FEM1B: variants seen among roughly 807,000 people sequenced by gnomAD.
FEM1B encodes the protein protein fem-1 homolog B.
Under a neutral mutation model 38.6 loss-of-function variants are expected in FEM1B, and 10 were observed. The ratio of observed to expected loss-of-function variants is 0.26; its 90% CI spans 0.16 to 0.44. FEM1B has a LOEUF of 0.44. FEM1B is among the 20% of genes least tolerant of loss of function. The pLI, the probability that FEM1B is intolerant of heterozygous loss-of-function variation, is 1.00. For missense variants in FEM1B, 471 were observed against 786.7 expected (o/e 0.60, Z 4.80); for synonymous variants, 288 against 288.0 (o/e 1.00, Z 0.00).
At chr15:68,283,620 G>A (rs1028146704) in intron 1 of FEM1B, among the ~76,000 whole-genome samples, 1 of 151,540 alleles carries the variant, frequency 6.6e-6, no homozygotes, top group Non-Finnish European at 1.5e-5. Flanking sequence ...ACTGCCATGA[G>A]CAGTGATTGT....
rs564202155 is a variant in FEM1B at position 68,278,581 on chromosome 15, G to T, written c.164G>T (p.Arg55Leu). Residue 55 changes from arginine to leucine, a missense_variant, in exon 1 of 2, where the codon CGC becomes CTC. By Grantham distance (102) the Arg-to-Leu change is moderately radical. Transcript: ENST00000306917. The surrounding 1 kb of genome is among the most constrained non-coding windows in gnomAD (Gnocchi z 5.7). ...TCCACGCCCCTCATCATCGCAGCCC[G>T]CAATGGACACGCAAAGGTGGTACGC... ...QRSTPLIIAA[R>L]NGHAKVVRLL... The T allele has an allele frequency of 1.2e-6, 2 of 1,613,980 alleles. No homozygotes were observed. Among genetic ancestry groups the T allele is most frequent in the Non-Finnish European group, 1.7e-6 (2 of 1,180,034 alleles).
rs945873154 is a variant in FEM1B, at chr15:68,284,781, T to G, written c.249-4826T>G. 2.6e-5 allele frequency among the ~76,000 whole-genome samples: 4 copies of G among 152,186 alleles called. No individual in the cohort carries two copies. The highest frequency in any genetic ancestry group is 4.8e-5 in the African/African-American group (2 of 41,438). On this transcript the variant is annotated intron_variant, in intron 1 of 1. Transcript: ENST00000306917. The surrounding 1 kb of genome is among the most constrained non-coding windows in gnomAD (Gnocchi z 4.4). ...ATTCCCACGTGTTGTGGGAGGGACC[T>G]GGTGGGAGGCAACTGAATCATGGAA...
chr15:68,283,800 T>C (rs1892754096), intron 1 of FEM1B, among the ~76,000 whole-genome samples: 1 of 152,216 alleles, frequency 6.6e-6, no homozygotes, highest in Non-Finnish European at 1.5e-5. Context: ...AACAAATGTT[T>C]GAACAATGAT....
rs914041206 is a variant in FEM1B at position 68,287,246 on chromosome 15, A to G, written c.249-2361A>G. On this transcript the variant is annotated intron_variant, in intron 1 of 1. Transcript: ENST00000306917. ...TAACAAATGCATTTTTAAAAATAAA[A>G]ATTTGAAAAATAATTTTAGGAGGCT... is the stretch of plus-strand genomic sequence containing the variant. Among the ~76,000 whole-genome samples, 3 of 152,248 alleles carry G rather than the reference A, an allele frequency of 2.0e-5. No homozygotes were observed. The East Asian group carries it at 5.8e-4, about 29-fold the overall frequency.
Position 68,291,787 on chromosome 15 carries a change from A to C in FEM1B, c.*545A>C, listed in dbSNP as rs897699843. ...CATTTTAGCATTCAGGAGGATTTTT[A>C]AAAAATAGCTGCAGATTAATCTGGA... On this transcript the variant is annotated 3_prime_UTR_variant, in exon 2 of 2. Transcript: ENST00000306917. This position sits in a 1 kb window ranked among gnomAD's most constrained non-coding sequence, Gnocchi z 6.9. The C allele has an allele frequency of 6.6e-6, 1 of 152,370 alleles. No homozygotes were observed. Among genetic ancestry groups the C allele is most frequent in the Admixed American group, 6.5e-5 (1 of 15,280 alleles). The allele number at this position is 152,370 out of a possible 1,614,324, so 9.4% of individuals were successfully genotyped here. A position where few individuals can be genotyped will look rare whatever the true frequency, so the allele number is the denominator to read the frequency against.
rs750301832 is a variant in FEM1B, at chr15:68,281,656, C to T, written c.248+2991C>T. Among the ~76,000 whole-genome samples the T allele has an allele frequency of 6.6e-6, 1 of 151,924 alleles. No homozygotes were observed. Among genetic ancestry groups the T allele is most frequent in the African/African-American group, 2.4e-5 (1 of 41,302 alleles). ...TTTTTGAGACGGAGTCTCGCTCTGT[C>T]GCCGGGGCTGGAGTGCAGTGGCGCG... On this transcript the variant is annotated intron_variant, in intron 1 of 1. Coordinates refer to ENST00000306917, the MANE Select transcript of FEM1B (RefSeq NM_015322.5). This position sits in a 1 kb window ranked among gnomAD's most constrained non-coding sequence, Gnocchi z 5.1.
Position 68,291,111 on chromosome 15 carries a change from T to A in FEM1B, c.1753T>A (p.Ser585Thr). Residue 585 changes from serine (S) to threonine (T), a missense_variant, in exon 2 of 2, where the codon TCT (serine) becomes ACT (threonine). Transcript: ENST00000306917. The surrounding 1 kb of genome is among the most constrained non-coding windows in gnomAD (Gnocchi z 6.9). ...TPLDKSTTGV[S>T]EILLKTQMKM... is the part of the protein sequence containing the mutation. ...GCTAGACAAAAGTACAACTGGGGTA[T>A]CTGAAATACTGCTTAAAACTCAAAT... 2.5e-6 allele frequency: 4 copies of A among 1,614,100 alleles called. No individual in the cohort carries two copies. Among genetic ancestry groups the A allele is most frequent in the Non-Finnish European group, 3.4e-6 (4 of 1,180,004 alleles).
chr15:68,278,439 G>A lies in FEM1B; in HGVS notation c.22G>A (p.Val8Ile). 5 of 1,612,922 alleles carry A rather than the reference G, an allele frequency of 3.1e-6. No homozygotes were observed. The highest frequency in any genetic ancestry group is 1.3e-5 in the African/African-American group (1 of 75,064). MEGLAGYVYKAASEGKVL... is the reference protein window; with the variant it reads MEGLAGYIYKAASEGKVL... ...GGCCATGGAGGGCCTGGCTGGCTAT[G>A]TATACAAGGCGGCCAGCGAGGGCAA... Residue 8 changes from valine (V) to isoleucine (I), a missense_variant, in exon 1 of 2, where the codon GTA becomes ATA. This residue lies in a region of FEM1B where 91 missense variants were observed against 169.6 expected (regional missense o/e 0.54). Transcript: ENST00000306917. This position sits in a 1 kb window ranked among gnomAD's most constrained non-coding sequence, Gnocchi z 5.7.
chr15:68,283,199 G>A (rs1245022529), intron 1 of FEM1B, among the ~76,000 whole-genome samples: 1 of 152,042 alleles, frequency 6.6e-6, no homozygotes, highest in East Asian at 1.9e-4. Context: ...TTTGAGATCA[G>A]AAAAATATTT....
chr15:68,279,167 C>A (rs1370618901), intron 1 of FEM1B, among the ~76,000 whole-genome samples: 2 of 152,308 alleles, frequency 1.3e-5, no homozygotes, highest in East Asian at 3.9e-4. Context: ...GCACCTAGAA[C>A]CAGCAGCAGC....
chr15:68,293,678 A>G lies in FEM1B; in HGVS notation c.*2436A>G, dbSNP rs942463660. The G allele has an allele frequency of 1.3e-5, 2 of 152,156 alleles. No homozygotes were observed. The highest frequency in any genetic ancestry group is 4.8e-5 in the African/African-American group (2 of 41,454). The allele number at this position is 152,156 out of a possible 1,614,324, so 9.4% of individuals were successfully genotyped here. On this transcript the variant is annotated 3_prime_UTR_variant, in exon 2 of 2. Coordinates refer to ENST00000306917, the MANE Select transcript of FEM1B (RefSeq NM_015322.5). The surrounding 1 kb of genome is among the most constrained non-coding windows in gnomAD (Gnocchi z 5.8). Reference sequence around the variant, plus strand: ...AATTCTATCTTGTAAAATCAATCCAAATGTGTATTGTGAAACACCTGTATA... The same window carrying G: ...AATTCTATCTTGTAAAATCAATCCAGATGTGTATTGTGAAACACCTGTATA...
Position 68,289,501 on chromosome 15 carries a change from A to C in FEM1B, c.249-106A>C. ...TTTTCATGAGAACTGATGTTTTATT[A>C]ATGTTCTGGAGAGTGAGGTCTTGGT... On this transcript the variant is annotated intron_variant, in intron 1 of 1. Transcript: ENST00000306917. The surrounding 1 kb of genome is among the most constrained non-coding windows in gnomAD (Gnocchi z 6.9). 1.4e-6 allele frequency: 1 copy of C among 723,510 alleles called. No individual in the cohort carries two copies. Among genetic ancestry groups the C allele is most frequent in the Non-Finnish European group, 2.3e-6 (1 of 435,608 alleles). 44.8% of individuals were successfully genotyped at this position (723,510 alleles called of 1,614,324 possible). A position where few individuals can be genotyped will look rare whatever the true frequency, so the allele number is the denominator to read the frequency against.
Position 68,278,722 on chromosome 15 carries a change from G to A in FEM1B, c.248+57G>A. The A allele has an allele frequency of 8.1e-6, 13 of 1,602,002 alleles. No homozygotes were observed. The highest frequency in any genetic ancestry group is 1.0e-5 in the Non-Finnish European group (12 of 1,171,070). ...CGCGCGCGGACTCGTTAATTCACGGGCCCTCCCCTCCCTCACCCTCTCTTA... is the reference window on the plus strand; with the variant it reads ...CGCGCGCGGACTCGTTAATTCACGGACCCTCCCCTCCCTCACCCTCTCTTA... On this transcript the variant is annotated intron_variant, in intron 1 of 1. Transcript: ENST00000306917. The surrounding 1 kb of genome is among the most constrained non-coding windows in gnomAD (Gnocchi z 5.7).
In FEM1B at chr15:68,293,590, G is replaced by A. The variant is rs934001050; in HGVS notation, c.*2348G>A. The A allele has an allele frequency of 8.6e-5, 13 of 151,050 alleles. No homozygotes were observed. Among genetic ancestry groups the A allele is most frequent in the African/African-American group, 3.2e-4 (13 of 40,450 alleles). The allele number at this position is 151,050 out of a possible 1,614,324, so 9.4% of individuals were successfully genotyped here. Reference sequence around the variant, plus strand: ...GGAATAAACTATGAACTATGCTAATGGTAATTAGATTTTTTGTTTGTTTAG... The same window carrying A: ...GGAATAAACTATGAACTATGCTAATAGTAATTAGATTTTTTGTTTGTTTAG... On this transcript the variant is annotated 3_prime_UTR_variant, in exon 2 of 2. Coordinates refer to ENST00000306917, the MANE Select transcript of FEM1B (RefSeq NM_015322.5). This position sits in a 1 kb window ranked among gnomAD's most constrained non-coding sequence, Gnocchi z 5.8.
chr15:68,281,229 A>G lies in FEM1B; in HGVS notation c.248+2564A>G, dbSNP rs184186511. The stretch of plus-strand genomic sequence containing the variant: ...GCCAGCACTTGAGACACATGGCCAT[A>G]TAGGGATTAACAGCTGTGTGCTGAA... On this transcript the variant is annotated intron_variant, in intron 1 of 1. Transcript: ENST00000306917. The surrounding 1 kb of genome is among the most constrained non-coding windows in gnomAD (Gnocchi z 5.1). Among the ~76,000 whole-genome samples, 158 of 152,378 alleles carry G rather than the reference A, an allele frequency of 1.0e-3. No individual in the cohort carries two copies. Among genetic ancestry groups the G allele is most frequent in the Middle Eastern group, 6.8e-3 (2 of 294 alleles).
rs933420515 is a variant in FEM1B at position 68,280,684 on chromosome 15, A to T, written c.248+2019A>T. Reference sequence around the variant, plus strand: ...GGATTCAAGTTGGGGCAATTAAGAAAGAGATTGTGGGAGACTGGAGAGAGC... The same window carrying T: ...GGATTCAAGTTGGGGCAATTAAGAATGAGATTGTGGGAGACTGGAGAGAGC... On this transcript the variant is annotated intron_variant, in intron 1 of 1. Transcript: ENST00000306917. This position sits in a 1 kb window ranked among gnomAD's most constrained non-coding sequence, Gnocchi z 4.2. Among the ~76,000 whole-genome samples the T allele has an allele frequency of 6.6e-6, 1 of 152,186 alleles. No individual in the cohort carries two copies. Among genetic ancestry groups the T allele is most frequent in the Non-Finnish European group, 1.5e-5 (1 of 68,032 alleles).
chr15:68,290,091 G>A lies in FEM1B; in HGVS notation c.733G>A (p.Asp245Asn), dbSNP rs375920632. ...VELLLSHADC[D>N]RRSRIEALEL... Reference sequence around the variant, plus strand: ...ACTGTTACTCTCTCATGCTGATTGCGACCGAAGAAGTCGGATTGAAGCTTT... The same window carrying A: ...ACTGTTACTCTCTCATGCTGATTGCAACCGAAGAAGTCGGATTGAAGCTTT... Residue 245 changes from aspartate to asparagine, a missense_variant, in exon 2 of 2, where the codon GAC becomes AAC. This residue lies in a region of FEM1B where 380 missense variants were observed against 599.6 expected (regional missense o/e 0.63). Coordinates refer to ENST00000306917, the MANE Select transcript of FEM1B (RefSeq NM_015322.5). This position sits in a 1 kb window ranked among gnomAD's most constrained non-coding sequence, Gnocchi z 9.7. 5 of 1,614,140 alleles carry A rather than the reference G, an allele frequency of 3.1e-6. No homozygotes were observed. The highest frequency in any genetic ancestry group is 2.2e-5 in the South Asian group (2 of 91,054).
rs1232603916 is a variant in FEM1B, at chr15:68,291,519, TTTTG to T, written c.*281_*284del. The T allele has an allele frequency of 1.7e-5, 6 of 355,802 alleles. No individual in the cohort carries two copies. Among genetic ancestry groups the T allele is most frequent in the Admixed American group, 4.3e-5 (1 of 23,510 alleles). 22.0% of individuals were successfully genotyped at this position (355,802 alleles called of 1,614,324 possible). ...TTTTTAAAGGAACAGATATAAAATG[TTTTG>T]TTTATGTAACAAGGGACATTTATAA... is the stretch of plus-strand genomic sequence containing the variant. On this transcript the variant is annotated 3_prime_UTR_variant, in exon 2 of 2. Transcript: ENST00000306917. This position sits in a 1 kb window ranked among gnomAD's most constrained non-coding sequence, Gnocchi z 6.9.
In FEM1B at chr15:68,280,299, G is replaced by T. The variant is rs1892711902; in HGVS notation, c.248+1634G>T. 2 of 152,286 alleles carry T rather than the reference G, an allele frequency of 1.3e-5. No homozygotes were observed. Among genetic ancestry groups the T allele is most frequent in the South Asian group, 4.1e-4 (2 of 4,826 alleles). The allele number at this position is 152,286 out of a possible 1,614,324, so 9.4% of individuals were successfully genotyped here. On this transcript the variant is annotated intron_variant, in intron 1 of 1. Transcript: ENST00000306917. The surrounding 1 kb of genome is among the most constrained non-coding windows in gnomAD (Gnocchi z 4.2). ...CTGGCCAGAGAAATTAATGAGTTCG[G>T]TAAGTAAACATTTATTGAACACCTA...
Sources: gnomAD v4.1 joint callset for allele counts (sites outside exome capture counted in the v4.1 genomes callset) on GRCh38, gnomAD v4.1.1 for gene constraint, gnomAD v4.1.1 regional missense constraint, Gnocchi (gnomAD v3.1) non-coding constraint, MANE v1.5 for transcripts, NCBI Gene and HGNC (gene_info 2026-07-23, HGNC 2026-07-21) for gene names.